The following ERC2 variants were observed in gnomAD, a reference collection of about 807,000 sequenced individuals.
ERC2 encodes the protein ELKS/RAB6-interacting/CAST family member 2.
A neutral mutation model predicts 114.8 loss-of-function variants in ERC2; 42 were observed. That is an observed-to-expected ratio of 0.37 (90% CI 0.29 to 0.47). The LOEUF is 0.47. Ranked by LOEUF, ERC2 falls within the 20% of genes least tolerant of loss-of-function variation. The pLI, the probability that ERC2 is intolerant of heterozygous loss-of-function variation, is 0.99. For synonymous variants in ERC2, 454 were observed against 425.5 expected (o/e 1.07, Z -0.82); for missense variants, 939 against 1,150.7 (o/e 0.82, Z 2.66).
chr3:56,456,806 T>C (rs1177284582), intron 1 of ERC2, among the ~76,000 whole-genome samples: 1 of 152,180 alleles, frequency 6.6e-6, no homozygotes, highest in Admixed American at 6.5e-5. Context: ...ACAAATATGG[T>C]GATGCTGATG....
intron 15 of ERC2, among the ~76,000 whole-genome samples, chr3:55,711,493 T>A (rs1449440128): frequency 6.6e-6 from 1 of 152,208 alleles, no homozygotes; most frequent in African/African-American, 2.4e-5. Context: ...ATCAAGAACA[T>A]AGAGAGCTTC....
At chr3:56,133,415 C>A (rs28496913) in intron 6 of ERC2, among the ~76,000 whole-genome samples, 4,348 of 151,984 alleles carry the variant, frequency 0.029, 62 homozygotes, top group Middle Eastern at 0.065. Flanking sequence ...CCAGCCTGAG[C>A]GACAGAGCAA....
At chr3:56,357,966 A>G (rs2058808497) in intron 2 of ERC2, among the ~76,000 whole-genome samples, 1 of 150,952 alleles carries the variant, frequency 6.6e-6, no homozygotes, top group South Asian at 2.1e-4. Flanking sequence ...TTTCCACCAG[A>G]CTCCTTCTGC....
At chr3:55,541,740 T>G (rs1192981812) in intron 17 of ERC2, among the ~76,000 whole-genome samples, 2 of 152,218 alleles carry the variant, frequency 1.3e-5, no homozygotes, top group African/African-American at 4.8e-5. Context: ...CAAAATGGAT[T>G]GTCTAGAAAG....
chr3:55,942,459 T>G (rs1431354447), intron 13 of ERC2, among the ~76,000 whole-genome samples: 1 of 150,140 alleles, frequency 6.7e-6, no homozygotes, highest in East Asian at 2.0e-4. Flanking sequence ...CGGCTAATTT[T>G]TTTTTTTTTT....
intron 16 of ERC2, among the ~76,000 whole-genome samples, chr3:55,690,976 G>C (rs914084791): frequency 6.6e-6 from 1 of 152,214 alleles, no homozygotes. Context: ...TGCTGGTAGA[G>C]GAAGGAGGCA....
chr3:56,201,178 C>T (rs957637058), intron 3 of ERC2, among the ~76,000 whole-genome samples: 1 of 152,202 alleles, frequency 6.6e-6, no homozygotes, highest in African/African-American at 2.4e-5. Flanking sequence ...ACATCTGACA[C>T]AGCTCCCCTT....
chr3:56,336,734 T>C (rs913981124), intron 2 of ERC2, among the ~76,000 whole-genome samples: 1 of 152,004 alleles, frequency 6.6e-6, no homozygotes, highest in Non-Finnish European at 1.5e-5. Context: ...GCGGTGGAAG[T>C]TGCAGTGAGC....
intron 7 of ERC2, among the ~76,000 whole-genome samples, chr3:56,059,097 A>T (rs563988911): frequency 2.0e-4 from 29 of 147,422 alleles, no homozygotes; most frequent in African/African-American, 6.2e-4. Flanking sequence ...TATTTTTTTT[A>T]TTTTTTTTTT....
chr3:55,625,254 C>G (rs1339669527), intron 17 of ERC2, among the ~76,000 whole-genome samples: 1 of 151,630 alleles, frequency 6.6e-6, no homozygotes, highest in Non-Finnish European at 1.5e-5. Context: ...GTAATCCCAG[C>G]TACTTGGAAG....
At chr3:55,857,720 G>A (rs930496133) in intron 14 of ERC2, among the ~76,000 whole-genome samples, 3 of 152,166 alleles carry the variant, frequency 2.0e-5, no homozygotes, top group African/African-American at 7.2e-5. Flanking sequence ...AGGCTCCTTG[G>A]AGAGAGAGAA....
chr3:55,906,768 A>G (rs371037861), intron 13 of ERC2, among the ~76,000 whole-genome samples: 15 of 152,298 alleles, frequency 9.8e-5, no homozygotes, highest in African/African-American at 3.6e-4. Context: ...TTACAGGCAA[A>G]GAGGCTGTGA....
intron 2 of ERC2, among the ~76,000 whole-genome samples, chr3:56,366,214 G>A (rs1455541491): frequency 1.3e-5 from 2 of 152,196 alleles, no homozygotes; most frequent in Non-Finnish European, 2.9e-5. Flanking sequence ...ACATGTATCC[G>A]AAACCTTCTC....
At chr3:55,734,633 G>T in intron 15 of ERC2, 138 bp downstream of exon 15, 2 of 938,994 alleles carry the variant, frequency 2.1e-6, no homozygotes, top group East Asian at 2.7e-5. Context: ...CGACAACTGG[G>T]TCCATTGCAC....
intron 17 of ERC2, among the ~76,000 whole-genome samples, chr3:55,549,232 C>G (rs2054973607): frequency 6.6e-6 from 1 of 152,144 alleles, no homozygotes; most frequent in Non-Finnish European, 1.5e-5. Context: ...TTTGCAATAC[C>G]TGTCCTATGG....
At chr3:55,814,331 T>C (rs1332292829) in intron 14 of ERC2, among the ~76,000 whole-genome samples, 1 of 152,212 alleles carries the variant, frequency 6.6e-6, no homozygotes, top group Non-Finnish European at 1.5e-5. Context: ...AGTGGTAATA[T>C]ACTCATTTTG....
At chr3:56,402,901 A>G (rs1003365578) in intron 2 of ERC2, among the ~76,000 whole-genome samples, 1 of 152,186 alleles carries the variant, frequency 6.6e-6, no homozygotes, top group Admixed American at 6.5e-5. Context: ...TTTGGGCTGG[A>G]TAATTCTTTG....
chr3:56,234,761 A>C (rs1435457084), intron 3 of ERC2, among the ~76,000 whole-genome samples: 1 of 152,214 alleles, frequency 6.6e-6, no homozygotes, highest in Non-Finnish European at 1.5e-5. Flanking sequence ...AAGAGATCAA[A>C]GGGGGAAGGT....
intron 2 of ERC2, among the ~76,000 whole-genome samples, chr3:56,376,281 C>G (rs1226038032): frequency 1.3e-5 from 2 of 152,164 alleles, no homozygotes; most frequent in Non-Finnish European, 2.9e-5. Context: ...CTACCAAACT[C>G]TCTCAGACTT....
Sources: allele counts gnomAD v4.1 joint callset (sites outside exome capture counted in the v4.1 genomes callset), GRCh38; gene constraint gnomAD v4.1.1; transcripts MANE v1.5; gene names NCBI Gene and HGNC (gene_info 2026-07-23, HGNC 2026-07-21).